DNAH5: variants seen among roughly 807,000 people sequenced by gnomAD.
The protein encoded by DNAH5 is axonemal beta dynein heavy chain 5.
A neutral mutation model predicts 518.2 loss-of-function variants in DNAH5; 372 were observed. The ratio of observed to expected loss-of-function variants is 0.72; its 90% CI spans 0.66 to 0.78. The LOEUF (loss-of-function observed/expected upper bound fraction) is 0.78. Ranked by LOEUF, DNAH5 falls within the 30% of genes least tolerant of loss-of-function variation. The pLI is 0.00. For missense variants in DNAH5, 5,523 were observed against 5,687.0 expected (o/e 0.97, Z 0.93); for synonymous variants, 2,039 against 2,025.9 (o/e 1.01, Z -0.17).
At chr5:13,872,240 T>C (rs1373505705) in intron 22 of DNAH5, among the ~76,000 whole-genome samples, 1 of 152,110 alleles carries the variant, frequency 6.6e-6, no homozygotes, top group East Asian at 1.9e-4. Flanking sequence ...TAAGGTCAGA[T>C]AGGTGGAGGG....
intron 38 of DNAH5, among the ~76,000 whole-genome samples, chr5:13,827,361 C>T (rs1375850521): frequency 1.3e-5 from 2 of 151,192 alleles, no homozygotes; most frequent in Non-Finnish European, 2.9e-5. Flanking sequence ...ATGGCAGCCC[C>T]TCCCCATCAC....
At position 13,817,631 on chromosome 5, in the gene DNAH5, A is replaced by C. The variant is rs981583760; in HGVS notation, c.6905T>G (p.Phe2302Cys). Residue 2302 changes from phenylalanine (F) to cysteine (C), a missense_variant, in exon 42 of 79, where the codon TTT (phenylalanine) becomes TGT (cysteine). Coordinates refer to ENST00000265104, the MANE Select transcript of DNAH5 (RefSeq NM_001369.3). ...ATTTGTGGCAACGTCCAGCCGACCAAACATCTGTGGGGCAGTAATCGCTTT... is the reference window on the plus strand; with the variant it reads ...ATTTGTGGCAACGTCCAGCCGACCACACATCTGTGGGGCAGTAATCGCTTT... The part of the protein sequence containing the change: ...NPKAITAPQM[F>C]GRLDVATNDW... 28 of 1,614,060 alleles carry C rather than the reference A, an allele frequency of 1.7e-5. 1 individual carries two copies. Among genetic ancestry groups the C allele is most frequent in the Non-Finnish European group, 2.5e-6 (3 of 1,180,022 alleles).
At chr5:13,725,623 A>G (rs1745616419) in intron 70 of DNAH5, among the ~76,000 whole-genome samples, 1 of 152,166 alleles carries the variant, frequency 6.6e-6, no homozygotes, top group South Asian at 2.1e-4. Flanking sequence ...GAAAATGAAC[A>G]AATAACCTGC....
intron 24 of DNAH5, among the ~76,000 whole-genome samples, chr5:13,869,421 C>T (rs1011891446): frequency 3.9e-5 from 6 of 152,010 alleles, no homozygotes; most frequent in Non-Finnish European, 7.4e-5. Flanking sequence ...GTTAACAGCA[C>T]CCCCTGACCC....
intron 55 of DNAH5, among the ~76,000 whole-genome samples, chr5:13,771,800 C>G (rs1422950192): frequency 6.6e-6 from 1 of 152,074 alleles, no homozygotes; most frequent in Non-Finnish European, 1.5e-5. Context: ...AAGAAACAAC[C>G]TATGTATATA....
chr5:13,807,041 G>A (rs151276672), intron 47 of DNAH5, among the ~76,000 whole-genome samples: 38 of 152,246 alleles, frequency 2.5e-4, no homozygotes, highest in African/African-American at 9.1e-4. Flanking sequence ...ATCATAGCTG[G>A]GGATTCTTCC....
intron 17 of DNAH5, among the ~76,000 whole-genome samples, chr5:13,888,328 A>G (rs1772710809): frequency 6.6e-6 from 1 of 152,164 alleles, no homozygotes. Context: ...CTCCAGCTAC[A>G]ACATGCTTCC....
chr5:13,775,601 G>A (rs1335966210), intron 55 of DNAH5, among the ~76,000 whole-genome samples: 1 of 152,064 alleles, frequency 6.6e-6, no homozygotes, highest in Non-Finnish European at 1.5e-5. Context: ...TTCCACCTAT[G>A]GCAACCCTCA....
At chr5:13,939,292 G>A (rs1057193739) in intron 1 of DNAH5, among the ~76,000 whole-genome samples, 3 of 152,154 alleles carry the variant, frequency 2.0e-5, no homozygotes, top group Admixed American at 1.3e-4. Flanking sequence ...GTGAGTCCAC[G>A]ATTGCAGAAT....
chr5:13,701,218 A>G lies in DNAH5; in HGVS notation c.13491+66T>C, dbSNP rs3734112. 0.52 allele frequency: 835,267 copies of G among 1,599,096 alleles called. 222,207 individuals carry two copies. The highest frequency in any genetic ancestry group is 0.55 in the Non-Finnish European group (642,464 of 1,166,620). Reference sequence around the variant, plus strand: ...CTGTCTTATTATAGTCTTTAAAACTATAATGATGGAAAATCCTGTGGAGGA... The same window carrying G: ...CTGTCTTATTATAGTCTTTAAAACTGTAATGATGGAAAATCCTGTGGAGGA... On this transcript the variant is annotated intron_variant, in intron 77 of 78. Coordinates refer to ENST00000265104, the MANE Select transcript of DNAH5 (RefSeq NM_001369.3).
At chr5:13,953,633 C>T (rs181853741) in intron 1 of DNAH5, among the ~76,000 whole-genome samples, 160 of 152,322 alleles carry the variant, frequency 1.1e-3, no homozygotes, top group African/African-American at 3.7e-3. Flanking sequence ...TTAATCTGAA[C>T]AATTACTTTC....
intron 54 of DNAH5, 73 bp from the exon 55 acceptor site, chr5:13,776,779 A>T (rs2126811658): frequency 1.3e-6 from 2 of 1,527,432 alleles, no homozygotes; most frequent in Non-Finnish European, 1.8e-6. Context: ...AGCTTAATAC[A>T]CAGAATGTCT....
At chr5:13,916,641 T>A (rs772547543) in intron 8 of DNAH5, among the ~76,000 whole-genome samples, 186 bp from the exon 9 acceptor site, 2 of 152,062 alleles carry the variant, frequency 1.3e-5, no homozygotes, top group Non-Finnish European at 2.9e-5. Flanking sequence ...ATATGGTTAA[T>A]CAAATTTTAT....
intron 1 of DNAH5, among the ~76,000 whole-genome samples, chr5:13,985,996 T>G (rs1459354577): frequency 6.6e-6 from 1 of 152,220 alleles, no homozygotes; most frequent in Non-Finnish European, 1.5e-5. Context: ...TTGCATCAGT[T>G]GTCATGAGGA....
At position 13,862,693 on chromosome 5, in the gene DNAH5, C is replaced by T. The variant is rs1429817056; in HGVS notation, c.4651G>A (p.Val1551Met). 6.2e-7 allele frequency: 1 copy of T among 1,614,018 alleles called. No individual in the cohort carries two copies. The highest frequency in any genetic ancestry group is 8.5e-7 in the Non-Finnish European group (1 of 1,179,952). Residue 1551 changes from valine to methionine, a missense_variant, in exon 29 of 79, where the codon GTG (valine) becomes ATG (methionine). Val to Met is a conservative substitution (Grantham distance 21). Transcript: ENST00000265104. ...GTTTTATTGTCCCATTCATTAATCA[C>T]TTGCTTCAGCTTTTGCTCAATGTCT... The part of the protein sequence containing the change: ...ERDIEQKLKQ[V>M]INEWDNKTFT...
rs1461862676 is a variant in DNAH5 at position 13,820,419 on chromosome 5, A to G, written c.6768T>C (p.His2256=). Reference sequence around the variant, plus strand: ...CACTGGGCCCCAGAGTCATCATCCCATGTCGCACTCTCTGCGTTTCGAATA... The same window carrying G: ...CACTGGGCCCCAGAGTCATCATCCCGTGTCGCACTCTCTGCGTTTCGAATA... The part of the protein sequence containing the change: ...IQLFETQRVR[H]GMMTLGPSGA... Residue 2256 remains histidine (H), a synonymous_variant, in exon 41 of 79, where the codon CAT becomes CAC. Coordinates refer to ENST00000265104, the MANE Select transcript of DNAH5 (RefSeq NM_001369.3). The G allele has an allele frequency of 1.2e-6, 2 of 1,613,938 alleles. No homozygotes were observed. The highest frequency in any genetic ancestry group is 2.2e-5 in the East Asian group (1 of 44,864).
At chr5:13,990,568 G>T (rs1581126662) in intron 1 of DNAH5, among the ~76,000 whole-genome samples, 1 of 138,736 alleles carries the variant, frequency 7.2e-6, no homozygotes, top group African/African-American at 2.7e-5. Flanking sequence ...ACAAAATGAA[G>T]TAAAATAAAA....
chr5:13,698,986 T>C (rs569648163), intron 78 of DNAH5, among the ~76,000 whole-genome samples: 2 of 152,294 alleles, frequency 1.3e-5, no homozygotes, highest in Middle Eastern at 3.4e-3. Flanking sequence ...GTTTCTTTTA[T>C]GGCTATCACC....
chr5:13,984,835 G>C (rs965616061), intron 1 of DNAH5, among the ~76,000 whole-genome samples: 5 of 152,190 alleles, frequency 3.3e-5, no homozygotes, highest in African/African-American at 7.2e-5. Flanking sequence ...TGGTGGGACT[G>C]TAAACTAGTT....
Sources: gnomAD v4.1 joint callset for allele counts (sites outside exome capture counted in the v4.1 genomes callset) on GRCh38, gnomAD v4.1.1 for gene constraint, MANE v1.5 for transcripts, NCBI Gene and HGNC (gene_info 2026-07-23, HGNC 2026-07-21) for gene names.